SGSM1: variants seen among roughly 807,000 people sequenced by gnomAD.
The protein encoded by SGSM1 is small G protein signaling modulator 1.
In SGSM1, 73 loss-of-function variants were observed where a neutral mutation model predicts 133.8. The observed-to-expected ratio is 0.55, with a 90% CI of 0.45 to 0.66. The LOEUF is 0.66. SGSM1 is among the 30% of genes least tolerant of loss of function. The pLI, the probability that SGSM1 is intolerant of heterozygous loss-of-function variation, is 0.00. For missense variants in SGSM1, 1,213 were observed against 1,448.1 expected, an observed-to-expected ratio of 0.84 and a Z score of 2.64; for synonymous variants, 563 against 573.0, an observed-to-expected ratio of 0.98 and a Z score of 0.25.
intron 13 of SGSM1, among the ~76,000 whole-genome samples, chr22:24,877,802 C>CTCTTTTTTTT (rs1932099732): frequency 1.3e-5 from 1 of 75,450 alleles, no homozygotes; most frequent in Non-Finnish European, 2.4e-5. Context: ...TTCTTTCTTT[C>CTCTTTTTTTT]TTTTTTTTTT....
At chr22:24,878,672 G>A (rs1040972216) in intron 13 of SGSM1, among the ~76,000 whole-genome samples, 8 of 152,160 alleles carry the variant, frequency 5.3e-5, no homozygotes, top group African/African-American at 1.9e-4. Context: ...AACAATGCTA[G>A]AATCTGACTC....
chr22:24,904,598 G>GAAAA, intron 20 of SGSM1, among the ~76,000 whole-genome samples: 1 of 131,822 alleles, frequency 7.6e-6, no homozygotes, highest in Non-Finnish European at 1.8e-5. Context: ...AAAAGAAAAA[G>GAAAA]AAAATAGTGG....
Position 24,847,797 on chromosome 22 carries a change from G to T in SGSM1, c.302+1G>T. 6.2e-7 allele frequency: 1 copy of T among 1,613,420 alleles called. No homozygotes were observed. The highest frequency in any genetic ancestry group is 8.5e-7 in the Non-Finnish European group (1 of 1,179,624). On this transcript the variant is annotated splice_donor_variant, in intron 4 of 24. Transcript: ENST00000400358. LOFTEE classifies it high-confidence loss of function. ...ACCTGGAGCAGCTGATCGAGAGCGCGTGAGTGCAAAGCATGGGGCACAGGT... is the reference window on the plus strand; with the variant it reads ...ACCTGGAGCAGCTGATCGAGAGCGCTTGAGTGCAAAGCATGGGGCACAGGT...
chr22:24,924,550 G>A lies in SGSM1; in HGVS notation c.*276G>A, dbSNP rs989391570. Reference sequence around the variant, plus strand: ...CAGGAGGTGGAGGTTGTTGGTGGAGGAGGAGCCATCTTTGTTTGCTGGTGC... The same window carrying A: ...CAGGAGGTGGAGGTTGTTGGTGGAGAAGGAGCCATCTTTGTTTGCTGGTGC... On this transcript the variant is annotated 3_prime_UTR_variant, in exon 25 of 25. Coordinates refer to ENST00000400358, the MANE Select transcript of SGSM1 (RefSeq NM_001098497.3). The A allele has an allele frequency of 4.2e-6, 2 of 473,590 alleles. No individual in the cohort carries two copies. The highest frequency in any genetic ancestry group is 1.9e-5 in the African/African-American group (1 of 51,366). The allele number at this position is 473,590 out of a possible 1,614,324, so 29.3% of individuals were successfully genotyped here. A position where few individuals can be genotyped will look rare whatever the true frequency, so the allele number is the denominator to read the frequency against.
chr22:24,832,729 C>T (rs572021300), intron 2 of SGSM1, among the ~76,000 whole-genome samples: 6 of 152,176 alleles, frequency 3.9e-5, no homozygotes, highest in South Asian at 2.1e-4. Context: ...GCTGCCCTTA[C>T]GGTACACAGA....
intron 12 of SGSM1, among the ~76,000 whole-genome samples, chr22:24,870,874 A>T (rs1931734376): frequency 6.6e-6 from 1 of 152,216 alleles, no homozygotes; most frequent in Non-Finnish European, 1.5e-5. Context: ...GATTAAGCAC[A>T]GTTACCTCTA....
At chr22:24,896,742 C>T (rs186919801) in intron 18 of SGSM1, among the ~76,000 whole-genome samples, 9 of 151,508 alleles carry the variant, frequency 5.9e-5, no homozygotes, top group East Asian at 3.9e-4. Flanking sequence ...TCTGGGAGGC[C>T]GAGGCAGGTC....
chr22:24,874,497 G>T (rs1252952474), intron 12 of SGSM1: 1 of 1,613,530 alleles, frequency 6.2e-7, no homozygotes, highest in South Asian at 1.1e-5. Flanking sequence ...GGTCCATGCT[G>T]GTGGTGGCCA....
intron 12 of SGSM1, among the ~76,000 whole-genome samples, chr22:24,873,282 G>A (rs145017132): frequency 0.012 from 1,753 of 152,154 alleles, 17 homozygotes; most frequent in African/African-American, 0.04. Flanking sequence ...TTTCTATTGG[G>A]TAATGCTGGT....
At chr22:24,860,916 AAAAAAAATATATATATAT>A (rs1255004594) in intron 9 of SGSM1, among the ~76,000 whole-genome samples, 1 of 90,368 alleles carries the variant, frequency 1.1e-5, no homozygotes, top group Non-Finnish European at 1.9e-5. Context: ...AAAAAAAAAA[AAAAAAAATATATATATAT>A]ATATATATAT....
At chr22:24,830,571 G>A (rs528902940) in intron 2 of SGSM1, among the ~76,000 whole-genome samples, 31 of 148,098 alleles carry the variant, frequency 2.1e-4, no homozygotes, top group African/African-American at 7.2e-4. Flanking sequence ...ACTAAGGTGG[G>A]TGGGAGGAAG....
At chr22:24,834,382 T>A (rs1929304771) in intron 2 of SGSM1, among the ~76,000 whole-genome samples, 1 of 152,206 alleles carries the variant, frequency 6.6e-6, no homozygotes, top group Admixed American at 6.5e-5. Flanking sequence ...CTTCCACTGG[T>A]TTTTGTGAAT....
chr22:24,903,318 C>T (rs1159592394), intron 20 of SGSM1, among the ~76,000 whole-genome samples: 2 of 151,742 alleles, frequency 1.3e-5, no homozygotes, highest in Admixed American at 6.6e-5. Context: ...AAGCAATTCT[C>T]CTACCTCAGC....
chr22:24,867,378 G>A (rs1386496390), intron 10 of SGSM1, among the ~76,000 whole-genome samples: 1 of 152,218 alleles, frequency 6.6e-6, no homozygotes, highest in Non-Finnish European at 1.5e-5. Flanking sequence ...TAGTTGTGAA[G>A]ATGAAGTGAT....
rs375854809 is a variant in SGSM1, at chr22:24,915,253, T to TAAATAAACAAAC, written c.2929-2402_2929-2401insTAAACAAACAAA. ...CAAAATAAATAAATAAATAAATAAA[T>TAAATAAACAAAC]AAACAAACAGCGCTGCACTGAAATT... On this transcript the variant is annotated intron_variant, in intron 22 of 24. Coordinates refer to ENST00000400358, the MANE Select transcript of SGSM1 (RefSeq NM_001098497.3). Among the ~76,000 whole-genome samples, 692 of 139,552 alleles carry TAAATAAACAAAC rather than the reference T, an allele frequency of 5.0e-3. 4 individuals carry two copies. The highest frequency in any genetic ancestry group is 0.016 in the African/African-American group (616 of 39,102). 91.6% of individuals were successfully genotyped at this position (139,552 alleles called of 152,430 possible).
In SGSM1 at chr22:24,885,711, T is replaced by C. The variant is rs9620451; in HGVS notation, c.1642-889T>C. On this transcript the variant is annotated intron_variant, in intron 15 of 24. Transcript: ENST00000400358. ...TGCTGGGATTACAGGCGTGAGCCACTACGCCCAGCTGAACACCTTTTTATG... is the reference window on the plus strand; with the variant it reads ...TGCTGGGATTACAGGCGTGAGCCACCACGCCCAGCTGAACACCTTTTTATG... Among the ~76,000 whole-genome samples, 594 of 152,304 alleles carry C rather than the reference T, an allele frequency of 3.9e-3. 8 individuals carry two copies. The highest frequency in any genetic ancestry group is 0.013 in the African/African-American group (560 of 41,572).
chr22:24,902,842 C>T (rs1933213255), intron 20 of SGSM1, among the ~76,000 whole-genome samples: 1 of 152,054 alleles, frequency 6.6e-6, no homozygotes, highest in Admixed American at 6.6e-5. Context: ...AGTTTAAGAC[C>T]CAGTCTGGGC....
chr22:24,908,801 C>CA lies in SGSM1; in HGVS notation c.2818+3627dup, dbSNP rs899607046. 2.3e-3 allele frequency among the ~76,000 whole-genome samples: 252 copies of CA among 111,098 alleles called. 5 individuals carry two copies. In the South Asian group the frequency reaches 0.03, roughly 13 times the overall value. The allele number at this position is 111,098 out of a possible 152,430, so 72.9% of individuals were successfully genotyped here. The stretch of plus-strand genomic sequence containing the variant: ...TGGGCGACAGAGCGAGACTCCATCT[C>CA]AAAAAAAAAAAAAGAAAGAAAGACA... On this transcript the variant is annotated intron_variant, in intron 21 of 24. Coordinates refer to ENST00000400358, the MANE Select transcript of SGSM1 (RefSeq NM_001098497.3).
chr22:24,910,020 G>T (rs547871688), intron 21 of SGSM1, among the ~76,000 whole-genome samples: 17 of 152,282 alleles, frequency 1.1e-4, no homozygotes, highest in African/African-American at 3.1e-4. Context: ...GCAAAAAAAG[G>T]ATGATGTTCT....
Sources: gnomAD v4.1 joint callset for allele counts (sites outside exome capture counted in the v4.1 genomes callset) on GRCh38, gnomAD v4.1.1 for gene constraint, MANE v1.5 for transcripts, NCBI Gene and HGNC (gene_info 2026-07-23, HGNC 2026-07-21) for gene names.